Variants in RIF1 observed in about 807,000 individuals in gnomAD.
The protein encoded by RIF1 is replication timing regulatory factor 1, also known as telomere-associated protein RIF1.
In RIF1, 45 loss-of-function variants were observed where a neutral mutation model predicts 247.1. The ratio of observed to expected loss-of-function variants is 0.18; its 90% CI spans 0.14 to 0.23. RIF1 has a LOEUF of 0.23. Among genes scored for constraint, RIF1 ranks in the 10% least tolerant of loss-of-function variants. The pLI is 1.00. For synonymous variants in RIF1, 1,087 were observed against 978.8 expected (o/e 1.11, Z -2.06); for missense variants, 2,967 against 2,862.5 (o/e 1.04, Z -0.83).
At chr2:151,455,401 G>A (rs1460480177) in intron 22 of RIF1, among the ~76,000 whole-genome samples, 1 of 152,058 alleles carries the variant, frequency 6.6e-6, no homozygotes, top group African/African-American at 2.4e-5. Context: ...TACCTTTTCA[G>A]AATTGTTTAT....
rs556168094 is a variant in RIF1, at chr2:151,422,393, A to G, written c.694-557A>G. 5.3e-5 allele frequency among the ~76,000 whole-genome samples: 8 copies of G among 152,288 alleles called. No homozygotes were observed. The South Asian group carries it at 1.7e-3, about 32-fold the overall frequency. Reference sequence around the variant, plus strand: ...TGGCCAGATAGGTGATAAGACCAACATAGTAAAGTGTTAATGGTAGAATCT... The same window carrying G: ...TGGCCAGATAGGTGATAAGACCAACGTAGTAAAGTGTTAATGGTAGAATCT... On this transcript the variant is annotated intron_variant, in intron 7 of 35. Transcript: ENST00000444746.
Position 151,446,518 on chromosome 2 carries a change from G to C in RIF1, c.2187G>C (p.Leu729Phe), listed in dbSNP as rs772648622. 14 of 1,613,302 alleles carry C rather than the reference G, an allele frequency of 8.7e-6. No homozygotes were observed. The highest frequency in any genetic ancestry group is 1.2e-5 in the Non-Finnish European group (14 of 1,179,662). ...TGGTGGCAACAGCAGAAGAGAACTT[G>C]TGCTGTGAGGAACTTTCTTCCAAGA... ...AALVATAEEN[L>F]CCEELSSKIM... is the part of the protein sequence containing the mutation. The change falls in exon 20 of 36, where the codon TTG becomes TTC. Residue 729 changes from leucine to phenylalanine, a missense_variant. By Grantham distance (22) the Leu-to-Phe change is conservative. This residue lies in a region of RIF1 where 76 missense variants were observed against 113.3 expected (regional missense o/e 0.67). Transcript: ENST00000444746.
chr2:151,464,796 T>A lies in RIF1; in HGVS notation c.5276T>A (p.Ile1759Asn). ...LKNTENNDVE[I>N]SETKKADVQA... Reference sequence around the variant, plus strand: ...AATACAGAAAATAATGACGTAGAGATTAGTGAAACAAAAAAGGCAGATGTG... The same window carrying A: ...AATACAGAAAATAATGACGTAGAGAATAGTGAAACAAAAAAGGCAGATGTG... Residue 1759 changes from isoleucine to asparagine, a missense_variant, in exon 30 of 36, where the codon ATT becomes AAT. Physicochemically the swap from Ile to Asn is moderately radical, Grantham distance 149. Transcript: ENST00000444746. 6.2e-7 allele frequency: 1 copy of A among 1,613,784 alleles called. No individual in the cohort carries two copies. The highest frequency in any genetic ancestry group is 1.7e-5 in the Admixed American group (1 of 59,960).
chr2:151,485,985 T>A, downstream of RIF1: 1 of 1,540,364 alleles, frequency 6.5e-7, no homozygotes, highest in Non-Finnish European at 8.9e-7. Context: ...TTTGCAACAG[T>A]TAACACACAT....
At chr2:151,432,962 TAAAA>T (rs1194491404) in intron 9 of RIF1, 111 bp from the exon 10 acceptor site, 15 of 798,884 alleles carry the variant, frequency 1.9e-5, no homozygotes, top group Middle Eastern at 7.9e-4. Context: ...TTTATTTTTT[TAAAA>T]AAATTTTAAA....
At chr2:151,449,347 C>T (rs1482446117) in intron 20 of RIF1, among the ~76,000 whole-genome samples, 1 of 152,024 alleles carries the variant, frequency 6.6e-6, no homozygotes, top group Non-Finnish European at 1.5e-5. Context: ...CAATAGTGAC[C>T]TCTTAGAATG....
At chr2:151,431,644 G>A (rs942208366) in intron 9 of RIF1, among the ~76,000 whole-genome samples, 39 of 152,130 alleles carry the variant, frequency 2.6e-4, no homozygotes, top group Admixed American at 2.0e-4. Flanking sequence ...AAAGTTGGAC[G>A]GGCATGGTGG....
At chr2:151,446,735 C>A (rs897783869) in intron 20 of RIF1, among the ~76,000 whole-genome samples, 160 bp downstream of exon 20, 1 of 151,964 alleles carries the variant, frequency 6.6e-6, no homozygotes, top group Admixed American at 6.6e-5. Context: ...AGTTTTGTGT[C>A]TTTGGGCTCT....
chr2:151,520,399 AAAT>A, the RIF1 span, among the ~76,000 whole-genome samples: 1 of 152,196 alleles, frequency 6.6e-6, no homozygotes, highest in South Asian at 2.1e-4. Context: ...TAATGAGAAA[AAAT>A]AAGATTAAAT....
chr2:151,448,690 T>C (rs1196478559), intron 20 of RIF1, among the ~76,000 whole-genome samples: 2 of 152,218 alleles, frequency 1.3e-5, no homozygotes, highest in African/African-American at 2.4e-5. Flanking sequence ...TAGCATCTTA[T>C]TTCCTTTTTA....
intron 9 of RIF1, among the ~76,000 whole-genome samples, chr2:151,431,359 G>C (rs1031419842): frequency 4.6e-5 from 7 of 152,260 alleles, no homozygotes; most frequent in Admixed American, 1.3e-4. Context: ...TGGCTCAGTG[G>C]CCGACTAGAA....
rs780925095 is a variant in RIF1, at chr2:151,410,490, C to T, written c.67C>T (p.His23Tyr). Reference sequence around the variant, plus strand: ...GACTTTGGAAGACCCTTCTGCCTCCCATGGAGGGCAGACTGACGCTTACCT... The same window carrying T: ...GACTTTGGAAGACCCTTCTGCCTCCTATGGAGGGCAGACTGACGCTTACCT... ...LETLEDPSASHGGQTDAYLTL... is the reference protein window; with the variant it reads ...LETLEDPSASYGGQTDAYLTL... The change falls in exon 2 of 36, where the codon CAT (histidine) becomes TAT (tyrosine). Residue 23 changes from histidine to tyrosine, a missense_variant. This residue lies in a region of RIF1 where 269 missense variants were observed against 288.6 expected (regional missense o/e 0.93). Transcript: ENST00000444746. The T allele has an allele frequency of 5.0e-6, 8 of 1,614,046 alleles. No individual in the cohort carries two copies. The highest frequency in any genetic ancestry group is 5.9e-6 in the Non-Finnish European group (7 of 1,179,994).
chr2:151,529,692 G>A, the RIF1 span, among the ~76,000 whole-genome samples: 3 of 152,146 alleles, frequency 2.0e-5, no homozygotes, highest in Admixed American at 6.5e-5. Context: ...CACCTCACCC[G>A]GCTAATTTTG....
At chr2:151,517,736 A>T in the RIF1 span, among the ~76,000 whole-genome samples, 5 of 152,202 alleles carry the variant, frequency 3.3e-5, no homozygotes, top group African/African-American at 1.2e-4. Context: ...GTATTTGTGT[A>T]TCTTGATACC....
chr2:151,476,446 T>C lies in RIF1; in HGVS notation c.*1375T>C, dbSNP rs987503328. 3 of 152,186 alleles carry C rather than the reference T, an allele frequency of 2.0e-5. No homozygotes were observed. The highest frequency in any genetic ancestry group is 7.2e-5 in the African/African-American group (3 of 41,454). 9.4% of individuals were successfully genotyped at this position (152,186 alleles called of 1,614,324 possible). On this transcript the variant is annotated 3_prime_UTR_variant, in exon 36 of 36. Transcript: ENST00000444746. ...TTCTTCTTTGAATAGAATGAGTGAG[T>C]GATCTCAGTTTTCACATTTTATTCA...
intron 8 of RIF1, among the ~76,000 whole-genome samples, chr2:151,426,899 G>A (rs529984302): frequency 6.6e-6 from 1 of 152,024 alleles, no homozygotes; most frequent in African/African-American, 2.4e-5. Flanking sequence ...CATCTGCCTC[G>A]GCCTCCCAAA....
At chr2:151,437,139 A>G (rs1224038456) in intron 12 of RIF1, 102 bp from the exon 13 acceptor site, 3 of 1,224,232 alleles carry the variant, frequency 2.5e-6, no homozygotes, top group African/African-American at 1.5e-5. Context: ...TTTTTTTTAT[A>G]GAAAACACAC....
rs1043213585 is a variant in RIF1 at position 151,499,334 on chromosome 2, C to T, written c.*514-11C>T. ...TTTCTTGATTGTGTTTGACTCTCTC[C>T]ATCTCTGGAGTGATGGGGATTGGAA... is the stretch of plus-strand genomic sequence containing the variant. On this transcript the variant is annotated splice_polypyrimidine_tract_variant and intron_variant and NMD_transcript_variant, in intron 10 of 13. Transcript: ENST00000454583. The T allele has an allele frequency of 1.9e-6, 3 of 1,542,528 alleles. No individual in the cohort carries two copies. In the Admixed American group the frequency reaches 6.0e-5, roughly 31 times the overall value.
rs202069238 is a variant in RIF1, at chr2:151,443,299, A to G, written c.1775A>G (p.Asn592Ser). 19 of 1,602,090 alleles carry G rather than the reference A, an allele frequency of 1.2e-5. No individual in the cohort carries two copies. Among genetic ancestry groups the G allele is most frequent in the South Asian group, 8.9e-5 (8 of 90,052 alleles). ...ALFLIQLIFNNFLECGVSDER... is the reference protein window; with the variant it reads ...ALFLIQLIFNSFLECGVSDER... ...TTCTTAATTCAATTAATTTTCAACAATTTCTTGGAATGTGGTGTATCAGAT... is the reference window on the plus strand; with the variant it reads ...TTCTTAATTCAATTAATTTTCAACAGTTTCTTGGAATGTGGTGTATCAGAT... The change falls in exon 17 of 36, where the codon AAT (asparagine) becomes AGT (serine). Residue 592 changes from asparagine (N) to serine (S), a missense_variant. Asn to Ser is a conservative substitution (Grantham distance 46). This residue lies in a region of RIF1 where 369 missense variants were observed against 322.0 expected (regional missense o/e 1.15). Coordinates refer to ENST00000444746, the MANE Select transcript of RIF1 (RefSeq NM_018151.5).
Sources: gnomAD v4.1 joint callset for allele counts (sites outside exome capture counted in the v4.1 genomes callset) on GRCh38, gnomAD v4.1.1 for gene constraint, gnomAD v4.1.1 regional missense constraint, MANE v1.5 for transcripts, NCBI Gene and HGNC (gene_info 2026-07-23, HGNC 2026-07-21) for gene names.